Variants in SETBP1 observed in about 807,000 individuals in gnomAD.
The protein encoded by SETBP1 is SET binding protein 1, also known as SET-binding protein.
SETBP1 carries 9 observed loss-of-function variants against 101.0 expected under a neutral mutation model. The observed-to-expected ratio is 0.09, with a 90% CI of 0.05 to 0.16. The LOEUF (loss-of-function observed/expected upper bound fraction) is 0.16. Among genes scored for constraint, SETBP1 ranks in the 10% least tolerant of loss-of-function variants. SETBP1 has a pLI of 1.00. For missense variants in SETBP1, 1,858 were observed against 2,033.8 expected, an observed-to-expected ratio of 0.91 and a Z score of 1.66; for synonymous variants, 818 against 788.5, an observed-to-expected ratio of 1.04 and a Z score of -0.63.
chr18:44,807,844 T>A (rs953656165), intron 2 of SETBP1, among the ~76,000 whole-genome samples: 4 of 152,120 alleles, frequency 2.6e-5, no homozygotes, highest in African/African-American at 9.7e-5. Context: ...CATGGTGGTA[T>A]AGATGATGGC....
chr18:44,869,139 C>T, intron 2 of SETBP1, 91 bp from the exon 3 acceptor site: 1 of 1,128,758 alleles, frequency 8.9e-7, no homozygotes, highest in Admixed American at 1.7e-5. Flanking sequence ...CTCATCCAGG[C>T]TATGGTAAGT....
chr18:44,931,820 A>G (rs1360880913), intron 3 of SETBP1, among the ~76,000 whole-genome samples: 1 of 151,920 alleles, frequency 6.6e-6, no homozygotes, highest in African/African-American at 2.4e-5. Context: ...CTTCATTTTG[A>G]GCCTATATGT....
At chr18:44,940,267 G>C (rs1264806552) in intron 3 of SETBP1, among the ~76,000 whole-genome samples, 1 of 152,070 alleles carries the variant, frequency 6.6e-6, no homozygotes, top group Non-Finnish European at 1.5e-5. Flanking sequence ...TGTATTTAAA[G>C]TGTATCTCCT....
chr18:44,707,242 TTTTTCCATACTTTCTCATATAGC>T (rs2144240069), intron 2 of SETBP1, among the ~76,000 whole-genome samples: 1 of 152,294 alleles, frequency 6.6e-6, no homozygotes, highest in African/African-American at 2.4e-5. Flanking sequence ...ACTAGAGTGT[TTTTTCCATACTTTCTCATATAGC>T]TGGGGTGGCA....
rs55811938 is a variant in SETBP1 at position 44,991,244 on chromosome 18, CAAA to C, written c.4000+37924_4000+37926del. Among the ~76,000 whole-genome samples the C allele has an allele frequency of 2.0e-3, 137 of 68,180 alleles. 1 individual carries two copies. Among genetic ancestry groups the C allele is most frequent in the East Asian group, 2.3e-3 (7 of 3,102 alleles). The allele number at this position is 68,180 out of a possible 152,430, so 44.7% of individuals were successfully genotyped here. On this transcript the variant is annotated intron_variant, in intron 4 of 5. Transcript: ENST00000649279. ...AGTGACAGAGCGAGACTGCATCTCA[CAAA>C]AAAAAAAAAAAAAAAAAAAGGAAGA...
At chr18:44,685,329 C>T (rs1222268447) in intron 1 of SETBP1, among the ~76,000 whole-genome samples, 1 of 152,196 alleles carries the variant, frequency 6.6e-6, no homozygotes, top group African/African-American at 2.4e-5. Context: ...GCATTTTGTT[C>T]TTTTCAAAAA....
rs1599370686 is a variant in SETBP1, at chr18:44,952,911, A to G, written c.3571A>G (p.Ser1191Gly). Residue 1191 changes from serine (S) to glycine (G), a missense_variant, in exon 4 of 6, where the codon AGT (serine) becomes GGT (glycine). Ser to Gly is a moderately conservative substitution (Grantham distance 56). Coordinates refer to ENST00000649279, the MANE Select transcript of SETBP1 (RefSeq NM_015559.3). ...CAGCCACATCCTGAGCGAGCGGCTG[A>G]GTAGCGCAGACAAAGAGCTCCCGCT... ...FSSHILSERL[S>G]SADKELPLVS... The G allele has an allele frequency of 1.2e-6, 2 of 1,614,246 alleles. No individual in the cohort carries two copies. The highest frequency in any genetic ancestry group is 1.7e-6 in the Non-Finnish European group (2 of 1,180,044).
chr18:44,925,015 T>G (rs927459363), intron 3 of SETBP1, among the ~76,000 whole-genome samples: 6 of 141,284 alleles, frequency 4.2e-5, no homozygotes, highest in South Asian at 2.3e-4. Context: ...GAGTTTTTTT[T>G]TTTTTTTTTT....
chr18:44,722,744 T>C (rs1457220202), intron 2 of SETBP1, among the ~76,000 whole-genome samples: 4 of 152,180 alleles, frequency 2.6e-5, no homozygotes, highest in Non-Finnish European at 4.4e-5. Flanking sequence ...CCCATCTGAG[T>C]GCTTGTAGAA....
chr18:44,692,724 C>T (rs1228775680), intron 1 of SETBP1, among the ~76,000 whole-genome samples: 1 of 152,150 alleles, frequency 6.6e-6, no homozygotes, highest in Non-Finnish European at 1.5e-5. Flanking sequence ...GAGGGTCCAG[C>T]CAGTCTCCAT....
At chr18:44,787,952 T>C (rs1182873305) in intron 2 of SETBP1, among the ~76,000 whole-genome samples, 1 of 148,238 alleles carries the variant, frequency 6.7e-6, no homozygotes, top group East Asian at 2.0e-4. Context: ...AAAGACCTTC[T>C]GATTTGTTTA....
At chr18:44,972,701 G>T (rs534330295) in intron 4 of SETBP1, among the ~76,000 whole-genome samples, 1 of 152,282 alleles carries the variant, frequency 6.6e-6, no homozygotes, top group South Asian at 2.1e-4. Context: ...GTTTAAGAAT[G>T]CTTGTGATTT....
At chr18:44,910,230 TCA>T (rs2070274494) in intron 3 of SETBP1, among the ~76,000 whole-genome samples, 1 of 152,120 alleles carries the variant, frequency 6.6e-6, no homozygotes, top group African/African-American at 2.4e-5. Context: ...GATGTAACCA[TCA>T]TACACATTGC....
intron 2 of SETBP1, among the ~76,000 whole-genome samples, chr18:44,839,087 A>G: frequency 6.8e-6 from 1 of 146,004 alleles, no homozygotes. Flanking sequence ...AAAAAAAAAA[A>G]CCCAGCCTTC....
At chr18:45,001,525 A>G (rs1364327169) in intron 4 of SETBP1, among the ~76,000 whole-genome samples, 5 of 152,138 alleles carry the variant, frequency 3.3e-5, no homozygotes, top group African/African-American at 4.8e-5. Flanking sequence ...GGAGCTGTTC[A>G]TCTCTGCCTG....
At chr18:44,995,529 T>TTTTTTG (rs894181469) in intron 4 of SETBP1, among the ~76,000 whole-genome samples, 3 of 142,876 alleles carry the variant, frequency 2.1e-5, no homozygotes, top group Admixed American at 7.0e-5. Flanking sequence ...GTCCAGGCTT[T>TTTTTTG]TGTGTGTGTG....
chr18:44,805,448 G>A (rs62090595), intron 2 of SETBP1, among the ~76,000 whole-genome samples: 6 of 151,600 alleles, frequency 4.0e-5, no homozygotes, highest in Non-Finnish European at 8.8e-5. Context: ...GTGTTTGTAC[G>A]TGTACTTCTC....
At chr18:44,972,375 A>T (rs1383581654) in intron 4 of SETBP1, among the ~76,000 whole-genome samples, 2 of 152,160 alleles carry the variant, frequency 1.3e-5, no homozygotes, top group Admixed American at 6.5e-5. Flanking sequence ...TTTTGGTTGC[A>T]TATGAACTTT....
At chr18:44,886,191 G>T (rs1028326916) in intron 3 of SETBP1, among the ~76,000 whole-genome samples, 1 of 152,218 alleles carries the variant, frequency 6.6e-6, no homozygotes, top group East Asian at 1.9e-4. Context: ...TCTTTGCTAC[G>T]GTGTGTCTCA....
Sources: allele counts gnomAD v4.1 joint callset (sites outside exome capture counted in the v4.1 genomes callset), GRCh38; gene constraint gnomAD v4.1.1; transcripts MANE v1.5; gene names NCBI Gene and HGNC (gene_info 2026-07-23, HGNC 2026-07-21).